Variants in GRIK2 observed in about 807,000 individuals in gnomAD.
GRIK2 encodes glutamate receptor ionotropic, kainate 2.
In GRIK2, 32 loss-of-function variants were observed where a neutral mutation model predicts 100.3. The observed-to-expected ratio is 0.32, with a 90% CI of 0.24 to 0.43. GRIK2 has a LOEUF of 0.43. GRIK2 is among the 20% of genes least tolerant of loss of function. GRIK2 has a pLI of 1.00. For missense variants in GRIK2, 843 were observed against 1,114.9 expected (o/e 0.76, Z 3.47); for synonymous variants, 417 against 389.4 (o/e 1.07, Z -0.83).
At chr6:101,504,481 A>G (rs1463159694) in intron 2 of GRIK2, among the ~76,000 whole-genome samples, 3 of 151,946 alleles carry the variant, frequency 2.0e-5, no homozygotes, top group Non-Finnish European at 2.9e-5. Context: ...TACCTTTTAA[A>G]CTGAAAAGAA....
chr6:101,616,050 T>C (rs1779878872), intron 2 of GRIK2, among the ~76,000 whole-genome samples: 1 of 151,816 alleles, frequency 6.6e-6, no homozygotes, highest in Admixed American at 6.6e-5. Context: ...CTTAGCCTAT[T>C]TGCCATGCTT....
chr6:101,540,482 C>G (rs1775932379), intron 2 of GRIK2, among the ~76,000 whole-genome samples: 1 of 151,778 alleles, frequency 6.6e-6, no homozygotes, highest in African/African-American at 2.4e-5. Context: ...ACCTCACATG[C>G]CTGAATCAAA....
intron 2 of GRIK2, among the ~76,000 whole-genome samples, chr6:101,595,010 T>C (rs1037414576): frequency 6.6e-6 from 1 of 151,366 alleles, no homozygotes; most frequent in Non-Finnish European, 1.5e-5. Context: ...TGGCTAAGCT[T>C]TGGAATATAC....
chr6:101,941,646 CA>C (rs1790961440), intron 14 of GRIK2, among the ~76,000 whole-genome samples: 1 of 151,908 alleles, frequency 6.6e-6, no homozygotes, highest in Non-Finnish European at 1.5e-5. Flanking sequence ...ACAAAGAGAC[CA>C]TTTTTGGATG....
chr6:101,793,073 A>G (rs916527518), intron 7 of GRIK2, among the ~76,000 whole-genome samples: 1 of 152,132 alleles, frequency 6.6e-6, no homozygotes, highest in East Asian at 1.9e-4. Context: ...TCCTTTAAGC[A>G]CTTCTCTGTA....
chr6:102,067,647 A>G (rs1391561141), intron 16 of GRIK2, among the ~76,000 whole-genome samples: 2 of 151,740 alleles, frequency 1.3e-5, no homozygotes, highest in African/African-American at 2.4e-5. Flanking sequence ...ATAGGGTCAT[A>G]TTTTTTCTCA....
intron 2 of GRIK2, among the ~76,000 whole-genome samples, chr6:101,461,920 T>C (rs185064041): frequency 2.9e-4 from 44 of 152,360 alleles, no homozygotes; most frequent in Admixed American, 6.5e-4. Flanking sequence ...TGGAGTGTTA[T>C]ATTCCCTGAC....
rs565337363 is a variant in GRIK2, at chr6:101,599,593, T to C, written c.116-22356T>C. On this transcript the variant is annotated intron_variant, in intron 2 of 16. Transcript: ENST00000369134. Reference sequence around the variant, plus strand: ...TGCTAGCCTCTATACTTTTTTATAATAGCCATTCTGACTGGTGTAAGATGG... The same window carrying C: ...TGCTAGCCTCTATACTTTTTTATAACAGCCATTCTGACTGGTGTAAGATGG... 2.6e-5 allele frequency among the ~76,000 whole-genome samples: 4 copies of C among 151,972 alleles called. No individual in the cohort carries two copies. The South Asian group carries it at 8.3e-4, about 31-fold the overall frequency.
At chr6:101,501,630 T>G in intron 2 of GRIK2, among the ~76,000 whole-genome samples, 1 of 152,230 alleles carries the variant, frequency 6.6e-6, no homozygotes. Context: ...CTTATCCATT[T>G]GTACTTTTTT....
At chr6:101,636,499 T>TA (rs548087624) in intron 4 of GRIK2, among the ~76,000 whole-genome samples, 14 of 151,682 alleles carry the variant, frequency 9.2e-5, no homozygotes, top group East Asian at 5.8e-4. Context: ...TAAAGTATAA[T>TA]AAAAAAAAGA....
At chr6:101,769,747 GA>G (rs1778279467) in intron 7 of GRIK2, among the ~76,000 whole-genome samples, 1 of 152,136 alleles carries the variant, frequency 6.6e-6, no homozygotes, top group South Asian at 2.1e-4. Flanking sequence ...CCCTCTAAAA[GA>G]AAAGGTATTT....
intron 2 of GRIK2, among the ~76,000 whole-genome samples, chr6:101,525,035 C>G (rs973235589): frequency 6.6e-6 from 1 of 152,018 alleles, no homozygotes; most frequent in Non-Finnish European, 1.5e-5. Context: ...ACTGAGCCCC[C>G]ACTTGCGTGT....
rs66532199 is a variant in GRIK2 at position 101,945,910 on chromosome 6, GTT to G, written c.2085+17292_2085+17293del. Among the ~76,000 whole-genome samples, 1,175 of 131,418 alleles carry G rather than the reference GTT, an allele frequency of 8.9e-3. 4 individuals carry two copies. Among genetic ancestry groups the G allele is most frequent in the Non-Finnish European group, 0.012 (722 of 60,056 alleles). 86.2% of individuals were successfully genotyped at this position (131,418 alleles called of 152,430 possible). A position where few individuals can be genotyped will look rare whatever the true frequency, so the allele number is the denominator to read the frequency against. On this transcript the variant is annotated intron_variant, in intron 14 of 16. Coordinates refer to ENST00000369134, the MANE Select transcript of GRIK2 (RefSeq NM_021956.5). ...GTAGATAATAGATTCTCTATCTACT[GTT>G]TTTTTTTTTTTTTCATTTTTATGAG...
intron 2 of GRIK2, among the ~76,000 whole-genome samples, chr6:101,498,529 G>C (rs1005743765): frequency 1.4e-4 from 21 of 150,074 alleles, no homozygotes; most frequent in Admixed American, 2.7e-4. Context: ...TCCAGCACCT[G>C]TTGTTTCCTG....
chr6:101,649,442 G>A (rs77405778), intron 4 of GRIK2, among the ~76,000 whole-genome samples: 2,454 of 152,068 alleles, frequency 0.016, 92 homozygotes, highest in Admixed American at 0.081. Context: ...TCTGGATCAC[G>A]TGGGTTGGAG....
chr6:101,805,373 A>C (rs929610324), intron 9 of GRIK2, among the ~76,000 whole-genome samples: 10 of 151,930 alleles, frequency 6.6e-5, no homozygotes, highest in African/African-American at 2.4e-4. Flanking sequence ...AAGTGAGAAT[A>C]CTATGGCCTC....
chr6:101,557,543 T>C (rs1215140978), intron 2 of GRIK2, among the ~76,000 whole-genome samples: 1 of 152,176 alleles, frequency 6.6e-6, no homozygotes, highest in Non-Finnish European at 1.5e-5. Context: ...AGTGGGGTTT[T>C]CTTTTATTTC....
At chr6:101,490,162 AAAT>A (rs1773030828) in intron 2 of GRIK2, among the ~76,000 whole-genome samples, 1 of 134,368 alleles carries the variant, frequency 7.4e-6, no homozygotes, top group South Asian at 2.5e-4. Context: ...TATGTAATAA[AAAT>A]AAGCACTAAA....
intron 14 of GRIK2, among the ~76,000 whole-genome samples, chr6:101,947,312 ATAT>A (rs1791341828): frequency 6.6e-6 from 1 of 152,160 alleles, no homozygotes; most frequent in Non-Finnish European, 1.5e-5. Flanking sequence ...AATGAGGGAA[ATAT>A]TATCATTATT....
Sources: gnomAD v4.1 joint callset for allele counts (sites outside exome capture counted in the v4.1 genomes callset) on GRCh38, gnomAD v4.1.1 for gene constraint, MANE v1.5 for transcripts, NCBI Gene and HGNC (gene_info 2026-07-23, HGNC 2026-07-21) for gene names.